Variants in ZCCHC14 observed in about 807,000 individuals in gnomAD.
The protein encoded by ZCCHC14 is zinc finger CCHC-type containing 14.
Under a neutral mutation model 85.0 loss-of-function variants are expected in ZCCHC14, and 16 were observed. That is an observed-to-expected ratio of 0.19 (90% CI 0.13 to 0.29). ZCCHC14 has a LOEUF of 0.29. Among genes scored for constraint, ZCCHC14 ranks in the 10% least tolerant of loss-of-function variants. The pLI, the probability that ZCCHC14 is intolerant of heterozygous loss-of-function variation, is 1.00. For synonymous variants in ZCCHC14, 775 were observed against 630.7 expected (o/e 1.23, Z -3.43); for missense variants, 1,303 against 1,443.5 (o/e 0.90, Z 1.58).
chr16:87,450,667 T>C (rs117544056), intron 2 of ZCCHC14, among the ~76,000 whole-genome samples: 2,444 of 150,122 alleles, frequency 0.016, 25 homozygotes, highest in Middle Eastern at 0.045. Context: ...ACCTGCCAGG[T>C]TCAAGCAGTT....
At chr16:87,466,107 C>T (rs920472075) in intron 1 of ZCCHC14, among the ~76,000 whole-genome samples, 1 of 151,052 alleles carries the variant, frequency 6.6e-6, no homozygotes, top group Non-Finnish European at 1.5e-5. Context: ...CTAACTACCC[C>T]CCGCCTCAGG....
intron 1 of ZCCHC14, chr16:87,472,267 G>A (rs767941906): frequency 2.0e-5 from 3 of 152,236 alleles, no homozygotes; most frequent in Non-Finnish European, 4.4e-5. Flanking sequence ...CCAAGCCTGT[G>A]TCCCCATCTG....
At chr16:87,480,222 T>C (rs893635542) in intron 1 of ZCCHC14, among the ~76,000 whole-genome samples, 10 of 151,992 alleles carry the variant, frequency 6.6e-5, no homozygotes, top group Non-Finnish European at 1.2e-4. Context: ...GCTAACACGG[T>C]GAAACTCCGT....
At chr16:87,411,198 CA>C (rs1410604116) in intron 12 of ZCCHC14, among the ~76,000 whole-genome samples, 2 of 152,318 alleles carry the variant, frequency 1.3e-5, no homozygotes, top group East Asian at 1.9e-4. Context: ...AGTGTTAAGC[CA>C]GGGGGCAGCA....
intron 2 of ZCCHC14, among the ~76,000 whole-genome samples, chr16:87,440,666 G>A (rs1360436205): frequency 1.3e-5 from 2 of 151,742 alleles, no homozygotes; most frequent in African/African-American, 4.8e-5. Context: ...AAGTGCAGTG[G>A]TGTGATCTTG....
At position 87,409,215 on chromosome 16, in the gene ZCCHC14, C is replaced by T. The variant is rs1908328868; in HGVS notation, c.*1065G>A. 6.6e-6 allele frequency: 1 copy of T among 152,158 alleles called. No homozygotes were observed. The highest frequency in any genetic ancestry group is 1.5e-5 in the Non-Finnish European group (1 of 68,022). 9.4% of individuals were successfully genotyped at this position (152,158 alleles called of 1,614,324 possible). A position where few individuals can be genotyped will look rare whatever the true frequency, so the allele number is the denominator to read the frequency against. On this transcript the variant is annotated 3_prime_UTR_variant, in exon 13 of 13. Transcript: ENST00000671377. ...AAAGAAGTTGACAGGAGAAAATTCC[C>T]AATCTTTTGCTGATAAATGACAGGA...
At position 87,417,701 on chromosome 16, in the gene ZCCHC14, C is replaced by G. The variant is rs13338940; in HGVS notation, c.1142G>C (p.Gly381Ala). 7.5e-3 allele frequency: 11,986 copies of G among 1,608,162 alleles called. 785 individuals are homozygous for G. The African/African-American group carries it at 0.14, about 19-fold the overall frequency. Residue 381 changes from glycine to alanine, a missense_variant, in exon 8 of 13, where the codon GGA (glycine) becomes GCA (alanine). Coordinates refer to ENST00000671377, the MANE Select transcript of ZCCHC14 (RefSeq NM_015144.3). The stretch of plus-strand genomic sequence containing the variant: ...CGGGTGCTGCCCGTGGTGCTGGGCT[C>G]CGCTCTGCGAGGACGGGATACCAGC... ...GVAGIPSSQSGAQHHGQHPAG... is the reference protein window; with the variant it reads ...GVAGIPSSQSAAQHHGQHPAG...
chr16:87,425,430 G>C (rs2052519793), intron 3 of ZCCHC14, among the ~76,000 whole-genome samples: 1 of 152,076 alleles, frequency 6.6e-6, no homozygotes. Flanking sequence ...TACAAAATTG[G>C]CCGGGCATGG....
chr16:87,469,781 G>T (rs969645365), intron 1 of ZCCHC14, among the ~76,000 whole-genome samples: 1 of 152,158 alleles, frequency 6.6e-6, no homozygotes, highest in Non-Finnish European at 1.5e-5. Context: ...GGCTCCCTGT[G>T]TCTACAGCAT....
intron 2 of ZCCHC14, among the ~76,000 whole-genome samples, chr16:87,434,508 TAATTTGTAG>T: frequency 6.6e-6 from 1 of 152,376 alleles, no homozygotes; most frequent in South Asian, 2.1e-4. Flanking sequence ...GGATGTCTGC[TAATTTGTAG>T]AATCTAACTT....
chr16:87,476,765 G>A (rs549242386), intron 1 of ZCCHC14, among the ~76,000 whole-genome samples: 42 of 150,350 alleles, frequency 2.8e-4, no homozygotes, highest in Middle Eastern at 3.4e-3. Context: ...GGAAAATGGC[G>A]GGAGGGAATT....
intron 1 of ZCCHC14, among the ~76,000 whole-genome samples, chr16:87,462,506 C>T (rs1001466674): frequency 1.3e-5 from 2 of 152,054 alleles, no homozygotes; most frequent in Admixed American, 6.5e-5. Context: ...TTTGGGAGGC[C>T]GAGGCAGGTG....
At chr16:87,458,397 C>G (rs1173446441) in intron 2 of ZCCHC14, among the ~76,000 whole-genome samples, 2 of 152,188 alleles carry the variant, frequency 1.3e-5, no homozygotes, top group African/African-American at 2.4e-5. Flanking sequence ...GACGCTCAAC[C>G]AAGAGCCACA....
rs1908285861 is a variant in ZCCHC14, at chr16:87,408,190, C to T, written c.*2090G>A. ...ATAGTTACGTGGGTAACAACAGACG[C>T]TTTCATTCCCCTATACTGACCACTA... On this transcript the variant is annotated 3_prime_UTR_variant, in exon 13 of 13. Coordinates refer to ENST00000671377, the MANE Select transcript of ZCCHC14 (RefSeq NM_015144.3). The T allele has an allele frequency of 6.6e-6, 1 of 152,664 alleles. No homozygotes were observed. Among genetic ancestry groups the T allele is most frequent in the South Asian group, 2.1e-4 (1 of 4,832 alleles). The allele number at this position is 152,664 out of a possible 1,614,324, so 9.5% of individuals were successfully genotyped here.
chr16:87,435,675 C>T (rs937068453), intron 2 of ZCCHC14, among the ~76,000 whole-genome samples: 1 of 152,274 alleles, frequency 6.6e-6, no homozygotes, highest in South Asian at 2.1e-4. Flanking sequence ...GCGGGCGCTG[C>T]GCTCCCAGCG....
intron 1 of ZCCHC14, among the ~76,000 whole-genome samples, chr16:87,486,034 A>C (rs889105195): frequency 6.6e-6 from 1 of 152,238 alleles, no homozygotes; most frequent in African/African-American, 2.4e-5. Flanking sequence ...AACACAGTAG[A>C]AAACAGCAAA....
At chr16:87,437,062 G>A (rs1007036215) in intron 2 of ZCCHC14, among the ~76,000 whole-genome samples, 1 of 151,990 alleles carries the variant, frequency 6.6e-6, no homozygotes, top group Non-Finnish European at 1.5e-5. Flanking sequence ...TTCAGGGGCG[G>A]CCGGGAGCTC....
At chr16:87,422,610 C>T (rs1400313507) in intron 4 of ZCCHC14, among the ~76,000 whole-genome samples, 1 of 151,070 alleles carries the variant, frequency 6.6e-6, no homozygotes, top group South Asian at 2.1e-4. Context: ...GTGGTGTGCA[C>T]CTGTGATCCC....
At chr16:87,460,492 C>A (rs1409635276) in intron 1 of ZCCHC14, among the ~76,000 whole-genome samples, 1 of 152,166 alleles carries the variant, frequency 6.6e-6, no homozygotes, top group African/African-American at 2.4e-5. Flanking sequence ...GAGTTCAAGA[C>A]CAGCCTGGCC....
Sources: allele counts gnomAD v4.1 joint callset (sites outside exome capture counted in the v4.1 genomes callset), GRCh38; gene constraint gnomAD v4.1.1; transcripts MANE v1.5; gene names NCBI Gene and HGNC (gene_info 2026-07-23, HGNC 2026-07-21).